Variants in LUZP2 observed in about 807,000 individuals in gnomAD.
LUZP2 encodes the protein leucine zipper protein 2.
In LUZP2, 52 loss-of-function variants were observed where a neutral mutation model predicts 51.6. The observed-to-expected ratio is 1.01, with a 90% CI of 0.81 to 1.27. The LOEUF is 1.27. LUZP2 is among the 50% of genes most tolerant of loss of function. The pLI, the probability that LUZP2 is intolerant of heterozygous loss-of-function variation, is 0.00. For missense variants in LUZP2, 436 were observed against 395.4 expected (o/e 1.10, Z -0.87); for synonymous variants, 154 against 137.3 (o/e 1.12, Z -0.85).
intron 5 of LUZP2, among the ~76,000 whole-genome samples, chr11:24,880,756 ATGTGTATGTGTG>A (rs1323633020): frequency 4.6e-5 from 7 of 150,838 alleles, no homozygotes; most frequent in Non-Finnish European, 7.4e-5. Flanking sequence ...GTGTGTGTGT[ATGTGTATGTGTG>A]TGTGTATGTG....
chr11:24,651,919 G>A (rs72880688), intron 1 of LUZP2, among the ~76,000 whole-genome samples: 5,804 of 152,070 alleles, frequency 0.038, 150 homozygotes, highest in South Asian at 0.078. Flanking sequence ...TTTTGGATGT[G>A]CAAAGCCTTT....
At chr11:24,505,578 G>T (rs1219433016) in intron 1 of LUZP2, among the ~76,000 whole-genome samples, 1 of 152,082 alleles carries the variant, frequency 6.6e-6, no homozygotes, top group African/African-American at 2.4e-5. Context: ...GATTGTACAT[G>T]CATTTCAGCA....
intron 1 of LUZP2, among the ~76,000 whole-genome samples, chr11:24,520,442 G>A (rs1009517017): frequency 6.6e-6 from 1 of 152,182 alleles, no homozygotes; most frequent in East Asian, 1.9e-4. Flanking sequence ...CTGTTTTTCT[G>A]TCTGGAGAAA....
intron 7 of LUZP2, among the ~76,000 whole-genome samples, chr11:24,972,470 A>G (rs948666941): frequency 1.2e-4 from 19 of 152,182 alleles, no homozygotes; most frequent in African/African-American, 4.6e-4. Context: ...TTTAAGTAGT[A>G]AAAATTAATA....
At chr11:24,748,303 A>G (rs1450653383) in intron 4 of LUZP2, among the ~76,000 whole-genome samples, 1 of 152,028 alleles carries the variant, frequency 6.6e-6, no homozygotes, top group Non-Finnish European at 1.5e-5. Context: ...CTTTCCTGCA[A>G]ACTGCTCCTT....
intron 9 of LUZP2, among the ~76,000 whole-genome samples, chr11:25,031,273 G>A (rs986258685): frequency 6.6e-6 from 1 of 151,586 alleles, no homozygotes; most frequent in African/African-American, 2.4e-5. Context: ...GCATCCCAAA[G>A]TGCTGGTATT....
At chr11:25,042,508 T>C (rs1858100761) in intron 9 of LUZP2, among the ~76,000 whole-genome samples, 1 of 152,124 alleles carries the variant, frequency 6.6e-6, no homozygotes, top group African/African-American at 2.4e-5. Context: ...GGAAAATGAG[T>C]CTCTAGTACA....
At chr11:24,888,576 C>T (rs115583271) in intron 5 of LUZP2, among the ~76,000 whole-genome samples, 4 of 152,068 alleles carry the variant, frequency 2.6e-5, no homozygotes, top group Admixed American at 6.6e-5. Flanking sequence ...AAATATTACA[C>T]GACATTTTTA....
In LUZP2 at chr11:24,775,525, G is replaced by T. The variant is rs551004318; in HGVS notation, c.396+12217G>T. 3.3e-5 allele frequency among the ~76,000 whole-genome samples: 5 copies of T among 152,320 alleles called. No individual in the cohort carries two copies. In the East Asian group the frequency reaches 9.6e-4, roughly 29 times the overall value. ...AGCCAGCTTTCTACTTCTCAAGGGT[G>T]TTGTAGACTTTTTACTTAGTATTCC... is the stretch of plus-strand genomic sequence containing the variant. On this transcript the variant is annotated intron_variant, in intron 5 of 11. Transcript: ENST00000336930.
At chr11:24,524,277 A>T (rs1336374291) in intron 1 of LUZP2, among the ~76,000 whole-genome samples, 1 of 151,814 alleles carries the variant, frequency 6.6e-6, no homozygotes, top group Admixed American at 6.6e-5. Context: ...AGTCTCTTGC[A>T]CTGGTCATCT....
intron 7 of LUZP2, among the ~76,000 whole-genome samples, chr11:24,943,458 T>A (rs1481923772): frequency 2.0e-5 from 3 of 152,214 alleles, no homozygotes; most frequent in Non-Finnish European, 4.4e-5. Context: ...GCACTCTGAG[T>A]GAAGTGTCCC....
rs1302431492 is a variant in LUZP2, at chr11:24,814,954, T to C, written c.396+51646T>C. Among the ~76,000 whole-genome samples the C allele has an allele frequency of 2.9e-5, 4 of 140,064 alleles. No homozygotes were observed. The Admixed American group carries it at 3.1e-4, about 11-fold the overall frequency. 91.9% of individuals were successfully genotyped at this position (140,064 alleles called of 152,430 possible). A position where few individuals can be genotyped will look rare whatever the true frequency, so the allele number is the denominator to read the frequency against. On this transcript the variant is annotated intron_variant, in intron 5 of 11. Transcript: ENST00000336930. ...TTGCAGTGAGCTGAGATCGCACCAA[T>C]GCACTCCAGCTTGGGCGACAGAGTG...
At chr11:25,013,217 G>A (rs1232721719) in intron 9 of LUZP2, among the ~76,000 whole-genome samples, 3 of 152,018 alleles carry the variant, frequency 2.0e-5, no homozygotes, top group Admixed American at 2.0e-4. Context: ...GAATGTGAAG[G>A]GTGAGTTGGG....
At chr11:24,934,205 AG>A (rs1007785389) in intron 7 of LUZP2, among the ~76,000 whole-genome samples, 1 of 152,226 alleles carries the variant, frequency 6.6e-6, no homozygotes, top group African/African-American at 2.4e-5. Context: ...CATTTGCTTC[AG>A]GCCATCTGGA....
intron 9 of LUZP2, among the ~76,000 whole-genome samples, chr11:24,993,608 T>G (rs1366405131): frequency 1.3e-5 from 2 of 152,118 alleles, no homozygotes; most frequent in Non-Finnish European, 2.9e-5. Context: ...ATGCGATGCC[T>G]TTTTTGTGCC....
At chr11:24,562,608 A>AT (rs1359918625) in intron 1 of LUZP2, among the ~76,000 whole-genome samples, 1 of 151,410 alleles carries the variant, frequency 6.6e-6, no homozygotes, top group East Asian at 2.0e-4. Flanking sequence ...AATCCCAGCA[A>AT]TTTGGGAGGC....
At chr11:24,943,964 G>C (rs1217127696) in intron 7 of LUZP2, among the ~76,000 whole-genome samples, 3 of 151,814 alleles carry the variant, frequency 2.0e-5, no homozygotes, top group African/African-American at 7.3e-5. Context: ...AGTAAGGTAT[G>C]GTATGGTTTC....
At chr11:24,527,600 T>C (rs527978172) in intron 1 of LUZP2, among the ~76,000 whole-genome samples, 56 of 84,470 alleles carry the variant, frequency 6.6e-4, no homozygotes, top group Non-Finnish European at 1.1e-3. Flanking sequence ...CACACACACA[T>C]TTATTTGTTG....
At chr11:25,077,661 A>ATTTTTAGT (rs1859352494) in intron 11 of LUZP2, among the ~76,000 whole-genome samples, 1 of 150,654 alleles carries the variant, frequency 6.6e-6, no homozygotes, top group African/African-American at 2.4e-5. Flanking sequence ...CACCACGCCC[A>ATTTTTAGT]AATTTTTTGT....
Sources: gnomAD v4.1 joint callset for allele counts (sites outside exome capture counted in the v4.1 genomes callset) on GRCh38, gnomAD v4.1.1 for gene constraint, MANE v1.5 for transcripts, NCBI Gene and HGNC (gene_info 2026-07-23, HGNC 2026-07-21) for gene names.